RNMT: variants seen among roughly 807,000 people sequenced by gnomAD.
RNMT encodes the protein RNA guanine-7 methyltransferase.
A neutral mutation model predicts 56.0 loss-of-function variants in RNMT; 27 were observed. The ratio of observed to expected loss-of-function variants is 0.48; its 90% CI spans 0.36 to 0.67. The LOEUF is 0.67. Among genes scored for constraint, RNMT ranks in the 30% least tolerant of loss-of-function variants. The pLI, the probability that RNMT is intolerant of heterozygous loss-of-function variation, is 0.00. For missense variants in RNMT, 519 were observed against 552.1 expected, an observed-to-expected ratio of 0.94 and a Z score of 0.60; for synonymous variants, 184 against 176.2, an observed-to-expected ratio of 1.04 and a Z score of -0.35.
intron 4 of RNMT, among the ~76,000 whole-genome samples, 188 bp from the exon 5 acceptor site, chr18:13,736,822 A>C (rs2044165074): frequency 6.6e-6 from 1 of 152,204 alleles, no homozygotes; most frequent in Admixed American, 6.5e-5. Flanking sequence ...TTAATGATAG[A>C]GGATCAGATT....
chr18:13,746,128 T>G, intron 8 of RNMT, 92 bp from the exon 9 acceptor site: 1 of 684,936 alleles, frequency 1.5e-6, no homozygotes, highest in Non-Finnish European at 2.6e-6. Context: ...GCTTTTTTAG[T>G]TAAGTCCAGA....
intron 3 of RNMT, among the ~76,000 whole-genome samples, chr18:13,732,192 T>G (rs964444091): frequency 6.6e-6 from 1 of 151,772 alleles, no homozygotes; most frequent in Admixed American, 6.5e-5. Flanking sequence ...TTTAGAATAT[T>G]TAACTAGAAA....
At chr18:13,747,641 G>T (rs990360476) in intron 9 of RNMT, among the ~76,000 whole-genome samples, 11 of 152,256 alleles carry the variant, frequency 7.2e-5, no homozygotes, top group Admixed American at 2.6e-4. Context: ...GTCTCCTGTT[G>T]AAGTTGCACC....
At chr18:13,746,536 A>G (rs80236157) in intron 9 of RNMT, among the ~76,000 whole-genome samples, 199 bp downstream of exon 9, 21 of 152,322 alleles carry the variant, frequency 1.4e-4, no homozygotes, top group South Asian at 6.2e-4. Flanking sequence ...GGTGTTACCA[A>G]ATTCTGTTTT....
rs116847059 is a variant in RNMT at position 13,758,387 on chromosome 18, A to C, written c.1394-1555A>C. Among the ~76,000 whole-genome samples the C allele has an allele frequency of 5.1e-3, 781 of 152,350 alleles. 3 individuals carry two copies. Among genetic ancestry groups the C allele is most frequent in the Non-Finnish European group, 8.7e-3 (589 of 68,034 alleles). Reference sequence around the variant, plus strand: ...TTATTTAGTGTAGCCACCTTCATCAATGATCTTAGCTAGATCTTCTGCATA... The same window carrying C: ...TTATTTAGTGTAGCCACCTTCATCACTGATCTTAGCTAGATCTTCTGCATA... On this transcript the variant is annotated intron_variant, in intron 11 of 11. Transcript: ENST00000383314.
intron 8 of RNMT, among the ~76,000 whole-genome samples, chr18:13,745,441 G>A (rs2044335437): frequency 6.6e-6 from 1 of 152,150 alleles, no homozygotes; most frequent in African/African-American, 2.4e-5. Context: ...ATGTTTTCTA[G>A]GTAAAATAGA....
chr18:13,733,037 AG>A (rs1282539084), intron 3 of RNMT, among the ~76,000 whole-genome samples: 7 of 152,134 alleles, frequency 4.6e-5, no homozygotes, highest in Non-Finnish European at 1.0e-4. Flanking sequence ...CTGGGATTAC[AG>A]GCATGAGCCA....
rs192679232 is a variant in RNMT at position 13,734,655 on chromosome 18, A to T, written c.553+56A>T. ...TAATTCCTATTCATTTAATTATCAAACCTTGACTTTATAAAGCTAGAGCCA... is the reference window on the plus strand; with the variant it reads ...TAATTCCTATTCATTTAATTATCAATCCTTGACTTTATAAAGCTAGAGCCA... On this transcript the variant is annotated intron_variant, in intron 4 of 11. Coordinates refer to ENST00000383314, the MANE Select transcript of RNMT (RefSeq NM_003799.3). 3.5e-6 allele frequency: 5 copies of T among 1,415,326 alleles called. No individual in the cohort carries two copies. In the East Asian group the frequency reaches 9.8e-5, roughly 28 times the overall value. The allele number at this position is 1,415,326 out of a possible 1,614,324, so 87.7% of individuals were successfully genotyped here.
chr18:13,741,705 A>C lies in RNMT; in HGVS notation c.974+14A>C, dbSNP rs747153387. ...CTTTGAATTGATGTAAGTACTTCTA[A>C]ATATATTGTGGTTTATAAAATATTC... is the stretch of plus-strand genomic sequence containing the variant. On this transcript the variant is annotated intron_variant, in intron 7 of 11. Transcript: ENST00000383314. The C allele has an allele frequency of 2.6e-6, 4 of 1,551,604 alleles. No homozygotes were observed. The African/African-American group carries it at 5.5e-5, about 21-fold the overall frequency.
At chr18:13,743,869 A>T (rs1169634959) in intron 8 of RNMT, among the ~76,000 whole-genome samples, 1 of 152,052 alleles carries the variant, frequency 6.6e-6, no homozygotes, top group Non-Finnish European at 1.5e-5. Context: ...GCCAAGTAGC[A>T]TTGTGACTGA....
At chr18:13,734,426 C>G (rs779096049) in intron 3 of RNMT, 38 bp from the exon 4 acceptor site, 1 of 1,575,424 alleles carries the variant, frequency 6.3e-7, no homozygotes, top group Non-Finnish European at 8.6e-7. Flanking sequence ...TTACCATGTT[C>G]TGATCCTTGA....
At chr18:13,748,663 A>G (rs1430486920) in intron 9 of RNMT, among the ~76,000 whole-genome samples, 1 of 152,222 alleles carries the variant, frequency 6.6e-6, no homozygotes, top group East Asian at 1.9e-4. Flanking sequence ...AAGAATGAAA[A>G]GATGTAGGCC....
Position 13,761,607 on chromosome 18 carries a change from C to T in RNMT, c.*1628C>T. Reference sequence around the variant, plus strand: ...AGAATCCTCCAAACGATGGAGTAGCCAGTGGTAATACAAAGCAGGGAGAAC... The same window carrying T: ...AGAATCCTCCAAACGATGGAGTAGCTAGTGGTAATACAAAGCAGGGAGAAC... On this transcript the variant is annotated 3_prime_UTR_variant, in exon 12 of 12. Coordinates refer to ENST00000383314, the MANE Select transcript of RNMT (RefSeq NM_003799.3). The T allele has an allele frequency of 1.0e-6, 1 of 994,966 alleles. No homozygotes were observed. Among genetic ancestry groups the T allele is most frequent in the Non-Finnish European group, 1.2e-6 (1 of 835,540 alleles). 61.6% of individuals were successfully genotyped at this position (994,966 alleles called of 1,614,324 possible).
At chr18:13,749,011 G>C (rs2044397009) in intron 9 of RNMT, among the ~76,000 whole-genome samples, 2 of 152,136 alleles carry the variant, frequency 1.3e-5, no homozygotes, top group African/African-American at 2.4e-5. Context: ...CCCGGGAGGT[G>C]GAGGTTGCAG....
chr18:13,751,471 A>G (rs996719794), intron 9 of RNMT, among the ~76,000 whole-genome samples: 1 of 152,160 alleles, frequency 6.6e-6, no homozygotes, highest in African/African-American at 2.4e-5. Context: ...GAAACAACAG[A>G]TGCTGGAGAG....
Position 13,761,829 on chromosome 18 carries a change from C to G in RNMT, c.*1850C>G, listed in dbSNP as rs942906783. On this transcript the variant is annotated 3_prime_UTR_variant, in exon 12 of 12. Transcript: ENST00000383314. The stretch of plus-strand genomic sequence containing the variant: ...CTGTCTCTTGCCTTATCAGTTCTTC[C>G]TCCACCACCCTACACCCCCCTCCCC... 5.4e-5 allele frequency: 73 copies of G among 1,350,290 alleles called. No individual in the cohort carries two copies. The South Asian group carries it at 1.1e-3, about 20-fold the overall frequency. The allele number at this position is 1,350,290 out of a possible 1,614,324, so 83.6% of individuals were successfully genotyped here.
In RNMT at chr18:13,748,306, T is replaced by A. The variant is rs1378570901; in HGVS notation, c.1257+1969T>A. Among the ~76,000 whole-genome samples the A allele has an allele frequency of 5.3e-5, 8 of 152,282 alleles. No individual in the cohort carries two copies. In the East Asian group the frequency reaches 1.5e-3, roughly 29 times the overall value. ...CATGGCTGTCTGGGGACAGAAGCAGTAATAGCATGTAGTTTGAAAAATCCT... is the reference window on the plus strand; with the variant it reads ...CATGGCTGTCTGGGGACAGAAGCAGAAATAGCATGTAGTTTGAAAAATCCT... On this transcript the variant is annotated intron_variant, in intron 9 of 11. Transcript: ENST00000383314.
intron 9 of RNMT, among the ~76,000 whole-genome samples, chr18:13,746,609 G>C (rs569593069): frequency 6.6e-6 from 1 of 152,292 alleles, no homozygotes; most frequent in African/African-American, 2.4e-5. Context: ...TTTTGTTCTG[G>C]ATAATGCCTT....
chr18:13,738,295 A>G (rs1032292255), intron 5 of RNMT, among the ~76,000 whole-genome samples: 1 of 152,218 alleles, frequency 6.6e-6, no homozygotes, highest in African/African-American at 2.4e-5. Context: ...TAGTTCATTA[A>G]AAGTAACAAG....
Sources: gnomAD v4.1 joint callset for allele counts (sites outside exome capture counted in the v4.1 genomes callset) on GRCh38, gnomAD v4.1.1 for gene constraint, MANE v1.5 for transcripts, NCBI Gene and HGNC (gene_info 2026-07-23, HGNC 2026-07-21) for gene names.